The following IGSF21 variants were observed in gnomAD, a reference collection of about 807,000 sequenced individuals.
The protein encoded by IGSF21 is immunoglobin superfamily member 21, also known as immunoglobulin superfamily member 21.
IGSF21 carries 28 observed loss-of-function variants against 46.8 expected under a neutral mutation model. That is an observed-to-expected ratio of 0.60 (90% CI 0.44 to 0.82). The LOEUF (loss-of-function observed/expected upper bound fraction) is 0.82, where lower values mean the gene tolerates loss of function less well. Among genes scored for constraint, IGSF21 ranks in the 40% least tolerant of loss-of-function variants. The probability of loss-of-function intolerance (pLI) is 0.00; values close to 1 mark genes in which losing one functional copy is unlikely to be tolerated. For missense variants in IGSF21, 624 were observed against 665.5 expected, an observed-to-expected ratio of 0.94 and a Z score of 0.69; for synonymous variants, 284 against 273.6, an observed-to-expected ratio of 1.04 and a Z score of -0.38.
intron 1 of IGSF21, among the ~76,000 whole-genome samples, chr1:18,221,631 C>T (rs142934870): frequency 1.3e-5 from 2 of 152,234 alleles, no homozygotes; most frequent in Non-Finnish European, 2.9e-5. Context: ...TAAACGCTGT[C>T]AGAGATAGAG....
At chr1:18,217,992 T>C (rs1022733940) in intron 1 of IGSF21, among the ~76,000 whole-genome samples, 9 of 152,240 alleles carry the variant, frequency 5.9e-5, no homozygotes, top group South Asian at 2.1e-4. Context: ...CAATTATTTA[T>C]TGGGCTCCTA....
intron 1 of IGSF21, among the ~76,000 whole-genome samples, chr1:18,164,582 T>C (rs1396943069): frequency 6.6e-6 from 1 of 152,178 alleles, no homozygotes; most frequent in Admixed American, 6.5e-5. Flanking sequence ...CCTTAGGAAA[T>C]GTTGCCCGTC....
chr1:18,341,078 TCCTCC>T (rs2085834560), intron 4 of IGSF21, among the ~76,000 whole-genome samples: 2 of 44,546 alleles, frequency 4.5e-5, no homozygotes, highest in Admixed American at 5.1e-4. Flanking sequence ...CTTCTTCTTC[TCCTCC>T]TCCTCCTCCT....
chr1:18,241,462 C>T (rs116252256), intron 2 of IGSF21, among the ~76,000 whole-genome samples: 2,980 of 152,274 alleles, frequency 0.02, 109 homozygotes, highest in African/African-American at 0.067. Context: ...GCAACTTGCT[C>T]AAAGTCCTGC....
intron 2 of IGSF21, among the ~76,000 whole-genome samples, chr1:18,239,881 C>G (rs2084709849): frequency 6.6e-6 from 1 of 152,110 alleles, no homozygotes; most frequent in African/African-American, 2.4e-5. Context: ...AAGCACGTGA[C>G]CATATGACTC....
chr1:18,153,448 GC>G (rs2086539318), intron 1 of IGSF21, among the ~76,000 whole-genome samples: 1 of 152,140 alleles, frequency 6.6e-6, no homozygotes, highest in Non-Finnish European at 1.5e-5. Context: ...AACTCAAAAG[GC>G]CCCAGGCCTA....
intron 2 of IGSF21, among the ~76,000 whole-genome samples, chr1:18,232,714 C>T (rs2084639914): frequency 6.6e-6 from 1 of 152,234 alleles, no homozygotes; most frequent in South Asian, 2.1e-4. Flanking sequence ...AGAGCAAAGA[C>T]TGTCTTTTCT....
At chr1:18,311,353 C>T (rs1056585880) in intron 3 of IGSF21, among the ~76,000 whole-genome samples, 1 of 152,198 alleles carries the variant, frequency 6.6e-6, no homozygotes, top group Non-Finnish European at 1.5e-5. Context: ...CCCCAGGAGC[C>T]TCCCCAAGCA....
intron 1 of IGSF21, among the ~76,000 whole-genome samples, chr1:18,150,123 T>C (rs1196545334): frequency 6.6e-6 from 1 of 152,098 alleles, no homozygotes; most frequent in East Asian, 1.9e-4. Context: ...CAGTGGCTCA[T>C]ATGCCTGTAA....
intron 1 of IGSF21, among the ~76,000 whole-genome samples, chr1:18,171,609 A>C (rs2086737792): frequency 6.6e-6 from 1 of 152,202 alleles, no homozygotes; most frequent in African/African-American, 2.4e-5. Flanking sequence ...TCAAGAATTA[A>C]TCATGCTAGA....
At chr1:18,142,260 G>A (rs11581496) in intron 1 of IGSF21, among the ~76,000 whole-genome samples, 11,688 of 152,006 alleles carry the variant, frequency 0.077, 711 homozygotes, top group African/African-American at 0.16. Flanking sequence ...ACCTATAAAG[G>A]CCTTAATCCT....
intron 4 of IGSF21, among the ~76,000 whole-genome samples, chr1:18,352,574 C>T (rs2085968861): frequency 1.3e-5 from 2 of 152,180 alleles, no homozygotes; most frequent in Non-Finnish European, 2.9e-5. Flanking sequence ...CTAGATCCAA[C>T]ACAAGACGTC....
At chr1:18,244,240 C>G (rs566755348) in intron 2 of IGSF21, among the ~76,000 whole-genome samples, 3 of 152,294 alleles carry the variant, frequency 2.0e-5, no homozygotes, top group African/African-American at 7.2e-5. Flanking sequence ...TGCCCCCGGT[C>G]GGGAGATTTC....
rs2086160117 is a variant in IGSF21 at position 18,365,840 on chromosome 1, T to A, written c.1015+143T>A. The A allele has an allele frequency of 4.3e-6, 3 of 692,282 alleles. No individual in the cohort carries two copies. The highest frequency in any genetic ancestry group is 2.9e-5 in the Admixed American group (1 of 33,904). 42.9% of individuals were successfully genotyped at this position (692,282 alleles called of 1,614,324 possible). A position where few individuals can be genotyped will look rare whatever the true frequency, so the allele number is the denominator to read the frequency against. On this transcript the variant is annotated intron_variant, in intron 6 of 9. Coordinates refer to ENST00000251296, the MANE Select transcript of IGSF21 (RefSeq NM_032880.5). The surrounding 1 kb of genome is among the most constrained non-coding windows in gnomAD (Gnocchi z 4.8). Reference sequence around the variant, plus strand: ...CTGGAGTCAGGATGAGCACAAATGGTAGAGTCAGGTTCTTAGGGAGGTTTG... The same window carrying A: ...CTGGAGTCAGGATGAGCACAAATGGAAGAGTCAGGTTCTTAGGGAGGTTTG...
At chr1:18,341,195 G>A (rs1569844799) in intron 4 of IGSF21, among the ~76,000 whole-genome samples, 1 of 149,978 alleles carries the variant, frequency 6.7e-6, no homozygotes, top group African/African-American at 2.5e-5. Context: ...AAATGCCTGA[G>A]TTCAAGCAAT....
chr1:18,376,038 C>A, intron 6 of IGSF21: 1 of 369,504 alleles, frequency 2.7e-6, no homozygotes, highest in Non-Finnish European at 5.2e-6. Context: ...TTCTTCCCCA[C>A]TGATGTGTGA....
rs535305936 is a variant in IGSF21, at chr1:18,346,594, G to T, written c.424+11584G>T. ...ATGGGAACAGATGTGGAGACACGGC[G>T]GACCTGGCACTGGATGGAGATGGTC... On this transcript the variant is annotated intron_variant, in intron 4 of 9. Transcript: ENST00000251296. Among the ~76,000 whole-genome samples the T allele has an allele frequency of 6.6e-5, 10 of 152,244 alleles. No individual in the cohort carries two copies. The South Asian group carries it at 2.1e-3, about 32-fold the overall frequency.
chr1:18,364,469 G>A (rs1309458163), intron 5 of IGSF21, among the ~76,000 whole-genome samples: 10 of 146,998 alleles, frequency 6.8e-5, no homozygotes, highest in Non-Finnish European at 1.0e-4. Flanking sequence ...GTCCCAGAGA[G>A]CTGCATCCCA....
intron 1 of IGSF21, among the ~76,000 whole-genome samples, chr1:18,171,380 C>T (rs189587490): frequency 1.3e-5 from 2 of 152,196 alleles, no homozygotes; most frequent in African/African-American, 4.8e-5. Context: ...GAGGGGAAAT[C>T]GCTCCCCTCT....
Sources: allele counts gnomAD v4.1 joint callset (sites outside exome capture counted in the v4.1 genomes callset), GRCh38; gene constraint gnomAD v4.1.1; non-coding constraint Gnocchi (gnomAD v3.1); transcripts MANE v1.5; gene names NCBI Gene and HGNC (gene_info 2026-07-23, HGNC 2026-07-21).